FHIT: variants seen among roughly 807,000 people sequenced by gnomAD.
FHIT encodes bis(5'-adenosyl)-triphosphatase.
Under a neutral mutation model 17.9 loss-of-function variants are expected in FHIT, and 19 were observed. The observed-to-expected ratio is 1.06, with a 90% CI of 0.74 to 1.56. The LOEUF (loss-of-function observed/expected upper bound fraction) is 1.56, where lower values mean the gene tolerates loss of function less well. FHIT is among the 40% of genes most tolerant of loss of function. The pLI is 0.00. For missense variants in FHIT, 248 were observed against 189.2 expected, an observed-to-expected ratio of 1.31 and a Z score of -1.82; for synonymous variants, 81 against 69.7, an observed-to-expected ratio of 1.16 and a Z score of -0.81.
chr3:60,319,874 G>A (rs1337912097), intron 5 of FHIT, among the ~76,000 whole-genome samples: 1 of 152,096 alleles, frequency 6.6e-6, no homozygotes, highest in African/African-American at 2.4e-5. Flanking sequence ...TAATTTCATG[G>A]GAAGGGGTAG....
intron 2 of FHIT, among the ~76,000 whole-genome samples, chr3:61,092,005 A>C (rs2035500171): frequency 6.9e-6 from 1 of 144,022 alleles, no homozygotes; most frequent in Non-Finnish European, 1.5e-5. Context: ...ATGGTCAGTT[A>C]GTTCTTCAGG....
intron 4 of FHIT, among the ~76,000 whole-genome samples, chr3:60,627,590 C>T (rs1477896864): frequency 1.3e-5 from 2 of 152,152 alleles, no homozygotes; most frequent in African/African-American, 4.8e-5. Context: ...GTGGCGGGAT[C>T]TAGGCTCACT....
intron 3 of FHIT, among the ~76,000 whole-genome samples, chr3:60,942,952 C>A (rs1468608883): frequency 1.3e-5 from 2 of 152,058 alleles, no homozygotes; most frequent in Admixed American, 1.3e-4. Flanking sequence ...TTTTGAGTTT[C>A]CAAATGTATA....
At chr3:59,982,074 A>G (rs554279919) in intron 7 of FHIT, among the ~76,000 whole-genome samples, 5 of 152,238 alleles carry the variant, frequency 3.3e-5, no homozygotes, top group Admixed American at 3.3e-4. Flanking sequence ...TCTAGTGACA[A>G]CATGAAGAGA....
At chr3:60,799,534 C>G (rs1378785473) in intron 4 of FHIT, among the ~76,000 whole-genome samples, 1 of 152,156 alleles carries the variant, frequency 6.6e-6, no homozygotes, top group African/African-American at 2.4e-5. Context: ...TATCTTCCAA[C>G]TTTATCTTGT....
At chr3:60,557,126 CACTT>C (rs1466965254) in intron 4 of FHIT, among the ~76,000 whole-genome samples, 1 of 152,322 alleles carries the variant, frequency 6.6e-6, no homozygotes, top group South Asian at 2.1e-4. Context: ...GTAAATATCT[CACTT>C]ACTCCTCTCC....
At chr3:60,764,551 A>C (rs1553720917) in intron 4 of FHIT, among the ~76,000 whole-genome samples, 2 of 152,168 alleles carry the variant, frequency 1.3e-5, no homozygotes. Flanking sequence ...CCAGGAAAAA[A>C]TACGAAGAAA....
At chr3:61,057,747 C>T (rs1343170050) in intron 2 of FHIT, among the ~76,000 whole-genome samples, 7 of 152,184 alleles carry the variant, frequency 4.6e-5, no homozygotes, top group Non-Finnish European at 1.0e-4. Context: ...AGATTAAACA[C>T]AGAGCCAGAT....
chr3:60,992,117 C>T (rs2030277854), intron 3 of FHIT, among the ~76,000 whole-genome samples: 3 of 152,196 alleles, frequency 2.0e-5, no homozygotes, highest in Non-Finnish European at 4.4e-5. Flanking sequence ...GAAAGCTAGA[C>T]AGGAGAGACT....
At chr3:61,211,756 C>T (rs1576229870) in intron 1 of FHIT, among the ~76,000 whole-genome samples, 1 of 152,194 alleles carries the variant, frequency 6.6e-6, no homozygotes, top group South Asian at 2.1e-4. Flanking sequence ...GAGGCACCCC[C>T]AAGTAGGGGC....
intron 5 of FHIT, among the ~76,000 whole-genome samples, chr3:60,306,083 A>T (rs890112912): frequency 3.3e-5 from 5 of 152,174 alleles, no homozygotes; most frequent in African/African-American, 1.2e-4. Context: ...GCCTACATGT[A>T]GTACTGTGGT....
In FHIT at chr3:60,115,430, T is replaced by G. The variant is rs532860672; in HGVS notation, c.104-101278A>C. The stretch of plus-strand genomic sequence containing the variant: ...AATACTCAACTTCACTATATTCAAT[T>G]AACTACGATTTTAAATAATAAAACG... On this transcript the variant is annotated intron_variant, in intron 5 of 9. Coordinates refer to ENST00000492590, the MANE Select transcript of FHIT (RefSeq NM_002012.4). 1.2e-4 allele frequency among the ~76,000 whole-genome samples: 19 copies of G among 152,302 alleles called. No individual in the cohort carries two copies. The South Asian group carries it at 2.7e-3, about 22-fold the overall frequency.
chr3:60,931,343 A>G (rs890237908), intron 3 of FHIT, among the ~76,000 whole-genome samples: 5 of 152,244 alleles, frequency 3.3e-5, no homozygotes, highest in Non-Finnish European at 7.3e-5. Context: ...GTGCACATGT[A>G]CCCTAAAACT....
intron 7 of FHIT, among the ~76,000 whole-genome samples, chr3:59,963,886 A>T (rs1374725894): frequency 2.6e-5 from 4 of 152,250 alleles, no homozygotes; most frequent in African/African-American, 9.6e-5. Context: ...AAAATGTTGG[A>T]TGTAAACTAA....
At chr3:60,297,565 G>A (rs1486225838) in intron 5 of FHIT, among the ~76,000 whole-genome samples, 2 of 139,982 alleles carry the variant, frequency 1.4e-5, no homozygotes, top group South Asian at 4.6e-4. Context: ...GACTTACAAG[G>A]AAGTCACCTG....
At chr3:60,104,331 G>T (rs1483725915) in intron 5 of FHIT, among the ~76,000 whole-genome samples, 1 of 152,056 alleles carries the variant, frequency 6.6e-6, no homozygotes, top group Admixed American at 6.6e-5. Context: ...ATTCTATTTT[G>T]TGTTCAATGT....
intron 3 of FHIT, among the ~76,000 whole-genome samples, chr3:61,037,768 CAT>C (rs2107682697): frequency 6.6e-6 from 1 of 152,292 alleles, no homozygotes; most frequent in African/African-American, 2.4e-5. Context: ...TTGGATGACT[CAT>C]CAAGTAGGCC....
At chr3:60,751,140 C>A (rs1553716712) in intron 4 of FHIT, among the ~76,000 whole-genome samples, 1 of 152,200 alleles carries the variant, frequency 6.6e-6, no homozygotes. Context: ...GTGGTTAGAA[C>A]AACAGAAGAC....
intron 5 of FHIT, among the ~76,000 whole-genome samples, chr3:60,348,336 T>C (rs1710902551): frequency 1.3e-5 from 2 of 152,322 alleles, no homozygotes; most frequent in Middle Eastern, 3.4e-3. Context: ...AATAAACAGC[T>C]TGTATATATG....
Sources: gnomAD v4.1 joint callset for allele counts (sites outside exome capture counted in the v4.1 genomes callset) on GRCh38, gnomAD v4.1.1 for gene constraint, MANE v1.5 for transcripts, NCBI Gene and HGNC (gene_info 2026-07-23, HGNC 2026-07-21) for gene names.